The following BRDT variants were observed in gnomAD, a reference collection of about 807,000 sequenced individuals.
The protein encoded by BRDT is bromodomain testis associated.
BRDT carries 77 observed loss-of-function variants against 113.9 expected under a neutral mutation model. That is an observed-to-expected ratio of 0.68 (90% CI 0.56 to 0.82). The LOEUF (loss-of-function observed/expected upper bound fraction) is 0.82. Ranked by LOEUF, BRDT falls within the 40% of genes least tolerant of loss-of-function variation. BRDT has a pLI of 0.00. For synonymous variants in BRDT, 358 were observed against 366.5 expected (o/e 0.98, Z 0.26); for missense variants, 1,027 against 1,105.4 (o/e 0.93, Z 1.01).
chr1:91,963,788 C>CTTTTTTTT (rs57708341), intron 2 of BRDT, among the ~76,000 whole-genome samples: 1 of 119,562 alleles, frequency 8.4e-6, no homozygotes, highest in Non-Finnish European at 1.8e-5. Context: ...TCTTTATTGG[C>CTTTTTTTT]TTTTTTTTTT....
intron 12 of BRDT, among the ~76,000 whole-genome samples, chr1:91,990,177 G>A (rs1396843672): frequency 2.0e-5 from 3 of 152,156 alleles, no homozygotes; most frequent in Non-Finnish European, 2.9e-5. Context: ...CACTAGAACC[G>A]TGTTGGAGAG....
chr1:91,979,481 C>T (rs974783461), intron 7 of BRDT, 88 bp from the exon 8 acceptor site: 68 of 1,256,152 alleles, frequency 5.4e-5, no homozygotes, highest in Non-Finnish European at 7.4e-5. Flanking sequence ...CAAAATATGA[C>T]ACTGAAATGT....
intron 18 of BRDT, among the ~76,000 whole-genome samples, chr1:92,007,981 A>G (rs1687480574): frequency 1.3e-5 from 2 of 151,936 alleles, no homozygotes; most frequent in South Asian, 4.2e-4. Flanking sequence ...GCAATGGTGC[A>G]ATCTCAGCTC....
Position 92,004,601 on chromosome 1 carries a change from C to G in BRDT, c.2576C>G (p.Ala859Gly). 1 of 1,605,970 alleles carries G rather than the reference C, an allele frequency of 6.2e-7. No individual in the cohort carries two copies. The highest frequency in any genetic ancestry group is 8.5e-7 in the Non-Finnish European group (1 of 1,177,856). The change falls in exon 17 of 19, where the codon GCA becomes GGA. Residue 859 changes from alanine to glycine, a missense_variant. Ala to Gly is a moderately conservative substitution (Grantham distance 60, BLOSUM62 0). Transcript: ENST00000399546. ...HLEQNTKELK[A>G]SQENQRDLGN... ...GAACAAAATACAAAGGAACTAAAAG[C>G]ATCTCAAGAAAATCAGAGGTCTGTA...
At chr1:91,975,421 A>G (rs192437750) in intron 4 of BRDT, among the ~76,000 whole-genome samples, 10 of 152,310 alleles carry the variant, frequency 6.6e-5, no homozygotes, top group East Asian at 5.8e-4. Flanking sequence ...GAGTTTTAAA[A>G]GATCACTTTG....
intron 2 of BRDT, among the ~76,000 whole-genome samples, chr1:91,963,788 CTT>C (rs57708341): frequency 0.74 from 88,768 of 119,288 alleles, 32,645 homozygotes; most frequent in East Asian, 0.95. Flanking sequence ...TCTTTATTGG[CTT>C]TTTTTTTTTT....
chr1:91,986,664 T>C (rs1314564047), intron 12 of BRDT, among the ~76,000 whole-genome samples: 1 of 152,228 alleles, frequency 6.6e-6, no homozygotes, highest in Middle Eastern at 3.2e-3. Flanking sequence ...AAAAACTTTC[T>C]TAGTTATGGG....
At chr1:91,983,481 C>A (rs2101690036) in intron 12 of BRDT, among the ~76,000 whole-genome samples, 1 of 152,060 alleles carries the variant, frequency 6.6e-6, no homozygotes, top group East Asian at 1.9e-4. Flanking sequence ...GTCTCGATCT[C>A]CTGACCTTGT....
chr1:91,964,644 A>T lies in BRDT; in HGVS notation c.210A>T (p.Ile70=). ...AACCATAGGATTATTATACCATTAT[A>T]AAAAACCCAATGGATTTAAATACAA... ...KLQLPDYYTI[I]KNPMDLNTIK... The change falls in exon 3 of 19, where the codon ATA becomes ATT. Residue 70 remains isoleucine, a synonymous_variant. Coordinates refer to ENST00000399546, the MANE Select transcript of BRDT (RefSeq NM_207189.4). The T allele has an allele frequency of 4.2e-6, 6 of 1,435,032 alleles. No homozygotes were observed. Among genetic ancestry groups the T allele is most frequent in the Non-Finnish European group, 4.8e-6 (5 of 1,046,212 alleles). 88.9% of individuals were successfully genotyped at this position (1,435,032 alleles called of 1,614,324 possible). A position where few individuals can be genotyped will look rare whatever the true frequency, so the allele number is the denominator to read the frequency against.
In BRDT at chr1:91,981,076, G is replaced by A. The variant is rs141699970; in HGVS notation, c.1648G>A (p.Asp550Asn). 9 of 1,613,928 alleles carry A rather than the reference G, an allele frequency of 5.6e-6. No homozygotes were observed. The East Asian group carries it at 2.0e-4, about 36-fold the overall frequency. ...REPSLSNSNP[D>N]EIEIDFETLK... ...GCCTTCTCTGAGCAATTCCAATCCT[G>A]ATGAGATAGAGATAGACTTTGAAAC... Residue 550 changes from aspartate (D) to asparagine (N), a missense_variant, in exon 10 of 19, where the codon GAT becomes AAT. Transcript: ENST00000399546.
chr1:91,964,791 T>G, intron 3 of BRDT, 27 bp downstream of exon 3: 1 of 1,363,478 alleles, frequency 7.3e-7, no homozygotes, highest in South Asian at 1.9e-5. Context: ...TTATACTTGC[T>G]AATTCTTTGC....
intron 14 of BRDT, among the ~76,000 whole-genome samples, chr1:91,992,980 TA>T (rs1304956459): frequency 6.6e-6 from 1 of 152,224 alleles, no homozygotes; most frequent in East Asian, 1.9e-4. Flanking sequence ...GCCACCTTTT[TA>T]ATGGTCTATT....
chr1:91,991,121 A>T, intron 12 of BRDT, 63 bp from the exon 13 acceptor site: 1 of 1,116,670 alleles, frequency 9.0e-7, no homozygotes, highest in Non-Finnish European at 1.3e-6. Flanking sequence ...AATATGGAAA[A>T]ATTATAACTT....
intron 17 of BRDT, 71 bp from the exon 18 acceptor site, chr1:92,005,048 A>T: frequency 8.4e-7 from 1 of 1,187,014 alleles, no homozygotes; most frequent in Non-Finnish European, 1.1e-6. Context: ...TATATTTGTC[A>T]TTTAATAACA....
intron 18 of BRDT, among the ~76,000 whole-genome samples, chr1:92,005,571 G>C (rs1299219721): frequency 2.6e-5 from 4 of 152,094 alleles, no homozygotes; most frequent in African/African-American, 9.7e-5. Context: ...TTGAGGCCAG[G>C]AGTTAGAGGC....
At chr1:91,981,410 G>T in intron 11 of BRDT, 29 bp downstream of exon 11, 1 of 1,544,254 alleles carries the variant, frequency 6.5e-7, no homozygotes, top group South Asian at 1.1e-5. Context: ...TTGTTTGTAT[G>T]TATGTATGTA....
chr1:92,004,467 A>C lies in BRDT; in HGVS notation c.2442A>C (p.Lys814Asn). Reference protein sequence around the residue: ...DSWKSLGKPVKPSGVMKSSDE... With the variant: ...DSWKSLGKPVNPSGVMKSSDE... ...GGAAAAGTTTAGGCAAACCAGTGAAACCATCAGGTGTAATGAAATCCTCAG... is the reference window on the plus strand; with the variant it reads ...GGAAAAGTTTAGGCAAACCAGTGAACCCATCAGGTGTAATGAAATCCTCAG... The change falls in exon 17 of 19, where the codon AAA (lysine) becomes AAC (asparagine). Residue 814 changes from lysine (K) to asparagine (N), a missense_variant. Physicochemically the swap from Lys to Asn is moderately conservative, Grantham distance 94 (BLOSUM62 0). Transcript: ENST00000399546. The C allele has an allele frequency of 6.2e-7, 1 of 1,610,960 alleles. No homozygotes were observed. Among genetic ancestry groups the C allele is most frequent in the Non-Finnish European group, 8.5e-7 (1 of 1,179,258 alleles).
At position 91,993,473 on chromosome 1, in the gene BRDT, A is replaced by G. The variant is rs79314854; in HGVS notation, c.2116-610A>G. Among the ~76,000 whole-genome samples the G allele has an allele frequency of 3.2e-3, 486 of 152,318 alleles. 5 individuals are homozygous for G. The highest frequency in any genetic ancestry group is 0.011 in the African/African-American group (472 of 41,562). On this transcript the variant is annotated intron_variant, in intron 14 of 18. Transcript: ENST00000399546. ...ATACCTAACTCAGCATTATTGTGAG[A>G]ATTAAAGAAAAACCATATAAAGGAC...
At chr1:91,964,469 A>C (rs1013246301) in intron 2 of BRDT, among the ~76,000 whole-genome samples, 158 bp from the exon 3 acceptor site, 2 of 152,226 alleles carry the variant, frequency 1.3e-5, no homozygotes, top group African/African-American at 4.8e-5. Flanking sequence ...GTGCGGGACT[A>C]CAGGCGTGAG....
Sources: allele counts gnomAD v4.1 joint callset (sites outside exome capture counted in the v4.1 genomes callset), GRCh38; gene constraint gnomAD v4.1.1; transcripts MANE v1.5; gene names NCBI Gene and HGNC (gene_info 2026-07-23, HGNC 2026-07-21).